The following IGFN1 variants were observed in gnomAD, a reference collection of about 807,000 sequenced individuals.
IGFN1 encodes the protein immunoglobulin like and fibronectin type III domain containing 1.
IGFN1 carries 253 observed loss-of-function variants against 289.5 expected under a neutral mutation model. The observed-to-expected ratio is 0.87, with a 90% CI of 0.79 to 0.97. The LOEUF (loss-of-function observed/expected upper bound fraction) is 0.97, where lower values mean the gene tolerates loss of function less well. Ranked by LOEUF, IGFN1 falls within the 50% of genes least tolerant of loss-of-function variation. The pLI is 0.00. For synonymous variants in IGFN1, 1,706 were observed against 1,788.5 expected, an observed-to-expected ratio of 0.95 and a Z score of 1.16; for missense variants, 4,470 against 4,686.1, an observed-to-expected ratio of 0.95 and a Z score of 1.35.
intron 3 of IGFN1, among the ~76,000 whole-genome samples, chr1:201,194,526 G>A (rs1488055811): frequency 6.6e-6 from 1 of 152,218 alleles, no homozygotes; most frequent in Non-Finnish European, 1.5e-5. Flanking sequence ...AAATATCTGG[G>A]GGGCAGGGAT....
intron 23 of IGFN1, among the ~76,000 whole-genome samples, chr1:201,228,040 T>C (rs1366557655): frequency 6.6e-6 from 1 of 152,258 alleles, no homozygotes. Context: ...CAAGCCTCAA[T>C]TGACCTTTGT....
rs1365845802 is a variant in IGFN1, at chr1:201,210,712, G to A, written c.5819G>A (p.Ser1940Asn). ...LGAPEGMGSG[S>N]KEGFRDGLGG... ...GCTCCTGAGGGAATGGGTTCAGGGA[G>A]TAAGGAAGGTTTCAGGGATGGTTTA... is the stretch of plus-strand genomic sequence containing the variant. The change falls in exon 12 of 24, where the codon AGT (serine) becomes AAT (asparagine). Residue 1940 changes from serine (S) to asparagine (N), a missense_variant. Physicochemically the swap from Ser to Asn is conservative, Grantham distance 46. This residue lies in a region of IGFN1 where 108 missense variants were observed against 128.7 expected (regional missense o/e 0.84). Transcript: ENST00000335211. The A allele has an allele frequency of 6.5e-7, 1 of 1,532,396 alleles. No individual in the cohort carries two copies. 94.9% of individuals were successfully genotyped at this position (1,532,396 alleles called of 1,614,324 possible).
Position 201,206,311 on chromosome 1 carries a change from T to C in IGFN1, c.1418T>C (p.Met473Thr), listed in dbSNP as rs944689306. Residue 473 changes from methionine (M) to threonine (T), a missense_variant, in exon 12 of 24, where the codon ATG (methionine) becomes ACG (threonine). Physicochemically the swap from Met to Thr is moderately conservative, Grantham distance 81. Transcript: ENST00000335211. ...CTTGGCAGACATGGCTACTCCTTGA[T>C]GGGGGACAAAGGGACAGCTGACTCA... Reference protein sequence around the residue: ...DGLGRHGYSLMGDKGTADSAW... With the variant: ...DGLGRHGYSLTGDKGTADSAW... 4 of 1,549,974 alleles carry C rather than the reference T, an allele frequency of 2.6e-6. No homozygotes were observed. The African/African-American group carries it at 4.1e-5, about 16-fold the overall frequency.
At position 201,199,654 on chromosome 1, in the gene IGFN1, G is replaced by A. The variant is rs776161533; in HGVS notation, c.458G>A (p.Arg153Lys). 6.4e-7 allele frequency: 1 copy of A among 1,551,402 alleles called. No individual in the cohort carries two copies. Among genetic ancestry groups the A allele is most frequent in the Non-Finnish European group, 8.7e-7 (1 of 1,146,746 alleles). ...GACTTCCGGAAGTTGCTGAAAAAGA[G>A]GTGGGTTTGGGCCTGTCCATGAGGG... Reference protein sequence around the residue: ...LMDFRKLLKKRAPPAPKKKMD... With the variant: ...LMDFRKLLKKKAPPAPKKKMD... Residue 153 changes from arginine to lysine, a missense_variant and splice_region_variant, in exon 7 of 24, where the codon AGG becomes AAG. Around this residue, in one of 8 missense-constraint regions of IGFN1, gnomAD observed 2,011 missense variants for 1,953.4 expected, o/e 1.03. Coordinates refer to ENST00000335211, the MANE Select transcript of IGFN1 (RefSeq NM_001164586.2).
rs758779917 is a variant in IGFN1, at chr1:201,206,488, G to GGTTGGGCCTCCCAGA, written c.1596_1610dup (p.Leu533_Glu537dup). 1.6e-5 allele frequency: 25 copies of GGTTGGGCCTCCCAGA among 1,551,270 alleles called. No homozygotes were observed. Among genetic ancestry groups the GGTTGGGCCTCCCAGA allele is most frequent in the Non-Finnish European group, 2.2e-5 (25 of 1,146,994 alleles). On this transcript the variant is annotated inframe_insertion, in exon 12 of 24. Coordinates refer to ENST00000335211, the MANE Select transcript of IGFN1 (RefSeq NM_001164586.2). ...CTACAGGGAGAGAGCTCAGAATCAG[G>GGTTGGGCCTCCCAGA]GTTGGGCCTCCCAGAAAAACAACAG...
rs781181516 is a variant in IGFN1 at position 201,228,534 on chromosome 1, G to T, written c.*135G>T. ...AAATGGGAGTGAGAAGATGCCTGGC[G>T]AGGTTTTGGCCAGGAGGACGTGAAG... On this transcript the variant is annotated 3_prime_UTR_variant, in exon 24 of 24. Coordinates refer to ENST00000335211, the MANE Select transcript of IGFN1 (RefSeq NM_001164586.2). The T allele has an allele frequency of 1.0e-6, 1 of 992,530 alleles. No homozygotes were observed. The highest frequency in any genetic ancestry group is 1.8e-5 in the Admixed American group (1 of 55,676). The allele number at this position is 992,530 out of a possible 1,614,324, so 61.5% of individuals were successfully genotyped here. A position where few individuals can be genotyped will look rare whatever the true frequency, so the allele number is the denominator to read the frequency against.
rs756615359 is a variant in IGFN1 at position 201,216,450 on chromosome 1, C to G, written c.9296-4C>G. 8 of 1,546,320 alleles carry G rather than the reference C, an allele frequency of 5.2e-6. No individual in the cohort carries two copies. In the South Asian group the frequency reaches 9.6e-5, roughly 19 times the overall value. ...TCTTCCCGCTCCTCTCTGTGGGTCC[C>G]CAGACAAGCCTGATCCCCCACAAGG... On this transcript the variant is annotated splice_region_variant and splice_polypyrimidine_tract_variant and intron_variant, in intron 15 of 23. Transcript: ENST00000335211.
Position 201,199,666 on chromosome 1 carries a change from C to T in IGFN1, c.458+12C>T, listed in dbSNP as rs778806311. On this transcript the variant is annotated intron_variant, in intron 7 of 23. Transcript: ENST00000335211. ...TTGCTGAAAAAGAGGTGGGTTTGGGCCTGTCCATGAGGGATTTTGGAGGCT... is the reference window on the plus strand; with the variant it reads ...TTGCTGAAAAAGAGGTGGGTTTGGGTCTGTCCATGAGGGATTTTGGAGGCT... 1.3e-6 allele frequency: 2 copies of T among 1,550,826 alleles called. No individual in the cohort carries two copies. Among genetic ancestry groups the T allele is most frequent in the Non-Finnish European group, 1.7e-6 (2 of 1,146,440 alleles).
Position 201,211,697 on chromosome 1 carries a change from C to G in IGFN1, c.6804C>G (p.Tyr2268Ter). 6.5e-7 allele frequency: 1 copy of G among 1,536,882 alleles called. No homozygotes were observed. Among genetic ancestry groups the G allele is most frequent in the East Asian group, 2.4e-5 (1 of 40,914 alleles). Residue 2268 changes from tyrosine to a stop codon, truncating the protein, a stop_gained, in exon 12 of 24, where the codon TAC becomes TAG. Transcript: ENST00000335211. LOFTEE classifies it high-confidence loss of function. ...TGGGTTCAGGCAGTTACACAGATTA[C>G]AGGAATGGTTTAGGCAGTTCTGGAA... is the stretch of plus-strand genomic sequence containing the variant. ...EEMGSGSYTD[Y>*]RNGLGSSGKI...
Position 201,212,756 on chromosome 1 carries a change from G to T in IGFN1, c.7863G>T (p.Thr2621=). ...CAGGGCCTGCTGATAGACAAGGGAC[G>T]AGCAATGCTTGGGCTCCTGATTGGG... The part of the protein sequence containing the change: ...STSGPADRQG[T]SNAWAPDWEN... Residue 2621 remains threonine, a synonymous_variant, in exon 12 of 24, where the codon ACG becomes ACT. Coordinates refer to ENST00000335211, the MANE Select transcript of IGFN1 (RefSeq NM_001164586.2). The T allele has an allele frequency of 3.2e-6, 5 of 1,551,540 alleles. No homozygotes were observed. The highest frequency in any genetic ancestry group is 4.4e-6 in the Non-Finnish European group (5 of 1,146,906).
rs1433442447 is a variant in IGFN1 at position 201,217,462 on chromosome 1, T to TGAGCATTGTCCTGGC, written c.9769+3_9769+17dup. On this transcript the variant is annotated splice_region_variant and intron_variant, in intron 17 of 23. Coordinates refer to ENST00000335211, the MANE Select transcript of IGFN1 (RefSeq NM_001164586.2). ...CAGTGAACGACCAGCCGGTGCCTGGTGAGCATTGTCCTGGCTTCCAGAGCT... is the reference window on the plus strand; with the variant it reads ...CAGTGAACGACCAGCCGGTGCCTGGTGAGCATTGTCCTGGCGAGCATTGTCCTGGCTTCCAGAGCT... 3 of 1,613,834 alleles carry TGAGCATTGTCCTGGC rather than the reference T, an allele frequency of 1.9e-6. No individual in the cohort carries two copies. Among genetic ancestry groups the TGAGCATTGTCCTGGC allele is most frequent in the Admixed American group, 1.7e-5 (1 of 60,002 alleles).
At chr1:201,227,470 C>G (rs1282578546) in intron 23 of IGFN1, among the ~76,000 whole-genome samples, 1 of 151,262 alleles carries the variant, frequency 6.6e-6, no homozygotes, top group Non-Finnish European at 1.5e-5. Context: ...TCTTGTTGCC[C>G]AGGTTGGAGT....
chr1:201,204,528 A>G (rs1667313369), intron 10 of IGFN1, among the ~76,000 whole-genome samples: 1 of 152,030 alleles, frequency 6.6e-6, no homozygotes, highest in African/African-American at 2.4e-5. Flanking sequence ...AAGTTGGGGG[A>G]GAAAAAAGGG....
Position 201,222,811 on chromosome 1 carries a change from T to C in IGFN1, c.10274T>C (p.Val3425Ala). 6.2e-7 allele frequency: 1 copy of C among 1,612,984 alleles called. No homozygotes were observed. Residue 3425 changes from valine to alanine, a missense_variant, in exon 20 of 24, where the codon GTG becomes GCG. Coordinates refer to ENST00000335211, the MANE Select transcript of IGFN1 (RefSeq NM_001164586.2). Reference protein sequence around the residue: ...LTVKVGDTVRVPVSFEAMPMP... With the variant: ...LTVKVGDTVRAPVSFEAMPMP... The stretch of plus-strand genomic sequence containing the variant: ...GTCAAGGTCGGGGACACAGTTCGTG[T>C]GCCCGTCTCCTTTGAAGTGAGTGTA...
At position 201,210,866 on chromosome 1, in the gene IGFN1, G is replaced by A; in HGVS notation, c.5973G>A (p.Gly1991=). The A allele has an allele frequency of 6.5e-7, 1 of 1,532,160 alleles. No homozygotes were observed. 94.9% of individuals were successfully genotyped at this position (1,532,160 alleles called of 1,614,324 possible). Residue 1991 remains glycine (G), a synonymous_variant, in exon 12 of 24, where the codon GGG becomes GGA. Coordinates refer to ENST00000335211, the MANE Select transcript of IGFN1 (RefSeq NM_001164586.2). ...RDGLGGSEEM[G]SMDEAGYRKD... ...GTTTAGGGGGTTCTGAGGAAATGGG[G>A]TCAATGGATGAGGCAGGTTATAGGA...
rs1184106948 is a variant in IGFN1, at chr1:201,206,200, G to A, written c.1307G>A (p.Arg436Lys). The change falls in exon 12 of 24, where the codon AGA becomes AAA. Residue 436 changes from arginine to lysine, a missense_variant. Arg to Lys is a conservative substitution (Grantham distance 26, BLOSUM62 2). This residue lies in a region of IGFN1 where 2,011 missense variants were observed against 1,953.4 expected (regional missense o/e 1.03). Coordinates refer to ENST00000335211, the MANE Select transcript of IGFN1 (RefSeq NM_001164586.2). ...GSIESQGEKSREQGPRGGSLE... is the reference protein window; with the variant it reads ...GSIESQGEKSKEQGPRGGSLE... ...ATCGAGAGCCAGGGAGAGAAATCCA[G>A]AGAGCAGGGCCCCAGGGGGGGCTCC... 2.9e-5 allele frequency: 45 copies of A among 1,549,894 alleles called. No individual in the cohort carries two copies. Among genetic ancestry groups the A allele is most frequent in the Non-Finnish European group, 3.7e-5 (42 of 1,146,748 alleles).
Position 201,224,892 on chromosome 1 carries a change from C to T in IGFN1, c.10486+18C>T. 3.1e-6 allele frequency: 5 copies of T among 1,601,018 alleles called. No individual in the cohort carries two copies. The highest frequency in any genetic ancestry group is 4.3e-6 in the Non-Finnish European group (5 of 1,172,406). ...GGTGGCAGGTGAGGCAGGCCTTGCT[C>T]TGGGCTCTGGACGCTGGCTCGGCCA... is the stretch of plus-strand genomic sequence containing the variant. On this transcript the variant is annotated intron_variant, in intron 21 of 23. Transcript: ENST00000335211.
intron 19 of IGFN1, 59 bp from the exon 20 acceptor site, chr1:201,222,680 G>A: frequency 7.9e-7 from 1 of 1,265,306 alleles, no homozygotes; most frequent in Non-Finnish European, 1.1e-6. Context: ...CTGGGGACCT[G>A]GGGCTGGGGT....
Position 201,226,992 on chromosome 1 carries a change from A to G in IGFN1, c.10897A>G (p.Met3633Val), listed in dbSNP as rs552602334. Residue 3633 changes from methionine to valine, a missense_variant, in exon 23 of 24, where the codon ATG becomes GTG. By Grantham distance (21) the Met-to-Val change is conservative. Coordinates refer to ENST00000335211, the MANE Select transcript of IGFN1 (RefSeq NM_001164586.2). ...HLLPQGCECC[M>V]SCAVQGSPRP... ...GCTGCCCCAGGGCTGCGAGTGCTGC[A>G]TGAGCTGTGCCGTGCAGGGCTCGCC... 3.7e-6 allele frequency: 6 copies of G among 1,613,336 alleles called. No homozygotes were observed. The highest frequency in any genetic ancestry group is 2.7e-5 in the African/African-American group (2 of 75,058).
Sources: allele counts gnomAD v4.1 joint callset (sites outside exome capture counted in the v4.1 genomes callset), GRCh38; gene constraint gnomAD v4.1.1; regional missense constraint gnomAD v4.1.1; transcripts MANE v1.5; gene names NCBI Gene and HGNC (gene_info 2026-07-23, HGNC 2026-07-21).